The following TTC6 variants were observed in gnomAD, a reference collection of about 807,000 sequenced individuals.
The protein encoded by TTC6 is tetratricopeptide repeat protein 6.
Under a neutral mutation model 210.4 loss-of-function variants are expected in TTC6, and 172 were observed. That is an observed-to-expected ratio of 0.82 (90% CI 0.72 to 0.93). The LOEUF (loss-of-function observed/expected upper bound fraction) is 0.93, where lower values mean the gene tolerates loss of function less well. Ranked by LOEUF, TTC6 falls within the 40% of genes least tolerant of loss-of-function variation. TTC6 has a pLI of 0.00. For synonymous variants in TTC6, 804 were observed against 819.6 expected (o/e 0.98, Z 0.32); for missense variants, 2,414 against 2,318.1 (o/e 1.04, Z -0.85).
intron 10 of TTC6, among the ~76,000 whole-genome samples, chr14:37,744,114 T>C (rs1352005118): frequency 6.6e-6 from 1 of 152,226 alleles, no homozygotes; most frequent in African/African-American, 2.4e-5. Context: ...AAATGTGATT[T>C]CTCTTATTAA....
rs1365711659 is a variant in TTC6 at position 37,741,721 on chromosome 14, T to TC, written c.2363+2567dup. Among the ~76,000 whole-genome samples the TC allele has an allele frequency of 5.3e-5, 8 of 152,306 alleles. No homozygotes were observed. In the South Asian group the frequency reaches 8.3e-4, roughly 16 times the overall value. Reference sequence around the variant, plus strand: ...ATGGTGGGAAGCAGACTGCGTATGTTCTTATACATCAAGTTGAATTATGGC... The same window carrying TC: ...ATGGTGGGAAGCAGACTGCGTATGTTCCTTATACATCAAGTTGAATTATGGC... On this transcript the variant is annotated intron_variant, in intron 10 of 30. Coordinates refer to ENST00000553443, the Ensembl canonical transcript of TTC6.
chr14:37,709,656 T>C (rs1312689356), intron 5 of TTC6, among the ~76,000 whole-genome samples: 1 of 146,800 alleles, frequency 6.8e-6, no homozygotes, highest in Non-Finnish European at 1.5e-5. Flanking sequence ...TTACGATGAT[T>C]ACAAATACAA....
intron 14 of TTC6, among the ~76,000 whole-genome samples, chr14:37,774,849 T>C (rs2096032184): frequency 6.6e-6 from 1 of 152,206 alleles, no homozygotes. Flanking sequence ...AGAATTTGGC[T>C]CTGAATCTCT....
chr14:37,607,362 T>A (rs2095626975), intron 2 of TTC6, among the ~76,000 whole-genome samples: 1 of 152,192 alleles, frequency 6.6e-6, no homozygotes, highest in Admixed American at 6.5e-5. Context: ...TCAGTCCTTT[T>A]CAGGTCTGTG....
chr14:37,791,952 A>C (rs1330731581), intron 16 of TTC6, among the ~76,000 whole-genome samples: 1 of 152,164 alleles, frequency 6.6e-6, no homozygotes, highest in Non-Finnish European at 1.5e-5. Flanking sequence ...GTTGAGAAAA[A>C]CTAAGCTTGT....
At chr14:37,629,450 T>A (rs749783026) in intron 1 of TTC6, among the ~76,000 whole-genome samples, 1 of 152,236 alleles carries the variant, frequency 6.6e-6, no homozygotes, top group African/African-American at 2.4e-5. Flanking sequence ...TTTTGCATAT[T>A]GATTTTGTAT....
intron 5 of TTC6, among the ~76,000 whole-genome samples, chr14:37,711,913 GTGA>G (rs890002524): frequency 6.6e-6 from 1 of 152,128 alleles, no homozygotes; most frequent in African/African-American, 2.4e-5. Context: ...GAAGAGATTG[GTGA>G]TGAAGAGATT....
chr14:37,685,868 G>T (rs944479071), intron 3 of TTC6, among the ~76,000 whole-genome samples: 2 of 152,030 alleles, frequency 1.3e-5, no homozygotes, highest in East Asian at 1.9e-4. Flanking sequence ...TAAGTGTAAG[G>T]GTTGAGATTT....
chr14:37,826,232 C>A, exon 28 of TTC6: 1 of 1,608,420 alleles, frequency 6.2e-7, no homozygotes. Context: ...AACCACTTTA[C>A]CATTGCCATA....
intron 8 of TTC6, among the ~76,000 whole-genome samples, chr14:37,736,689 T>G (rs1044233489): frequency 1.3e-5 from 2 of 152,138 alleles, no homozygotes; most frequent in Non-Finnish European, 2.9e-5. Context: ...CTACAGTGTA[T>G]CCAATGACCT....
intron 1 of TTC6, among the ~76,000 whole-genome samples, chr14:37,600,024 A>G (rs547381506): frequency 9.2e-5 from 14 of 152,144 alleles, no homozygotes; most frequent in Non-Finnish European, 1.9e-4. Flanking sequence ...GTGCTGCTGA[A>G]AGGATCCTCG....
Position 37,776,176 on chromosome 14 carries a change from G to A in TTC6, c.3267-11292G>A, listed in dbSNP as rs1345323571. Reference sequence around the variant, plus strand: ...CGCCATTCTCCTGCCTCAGCCTCCCGAGTAGCTGGGACTACAGGCGCCCGC... The same window carrying A: ...CGCCATTCTCCTGCCTCAGCCTCCCAAGTAGCTGGGACTACAGGCGCCCGC... On this transcript the variant is annotated intron_variant, in intron 14 of 30. Coordinates refer to ENST00000553443, the Ensembl canonical transcript of TTC6. Among the ~76,000 whole-genome samples the A allele has an allele frequency of 3.2e-5, 4 of 123,160 alleles. 2 individuals carry two copies. The highest frequency in any genetic ancestry group is 6.0e-5 in the African/African-American group (2 of 33,516). The allele number at this position is 123,160 out of a possible 152,430, so 80.8% of individuals were successfully genotyped here.
intron 15 of TTC6, 68 bp downstream of exon 17, chr14:37,787,705 G>A: frequency 1.6e-6 from 2 of 1,283,376 alleles, no homozygotes. Flanking sequence ...TTTCATAGTG[G>A]TGAATGGTAA....
intron 22 of TTC6, 61 bp from the exon 25 acceptor site, chr14:37,807,259 G>T: frequency 7.3e-7 from 1 of 1,368,136 alleles, no homozygotes; most frequent in East Asian, 2.6e-5. Flanking sequence ...CATATATTTT[G>T]GTAGAATTGG....
intron 14 of TTC6, among the ~76,000 whole-genome samples, 163 bp downstream of exon 16, chr14:37,753,398 G>A (rs2095958260): frequency 6.6e-6 from 1 of 152,154 alleles, no homozygotes; most frequent in African/African-American, 2.4e-5. Flanking sequence ...CCCTAATGGT[G>A]TCGGTAATTT....
At position 37,796,959 on chromosome 14, in the gene TTC6, T is replaced by C. The variant is rs1385763564; in HGVS notation, c.4029+12T>C. ...CCAAGAGAACCAAGGTGAAAAGTCC[T>C]CTGAGTAATGTTTACTAAACCTATT... On this transcript the variant is annotated intron_variant, in intron 20 of 30. Coordinates refer to ENST00000553443, the Ensembl canonical transcript of TTC6. The C allele has an allele frequency of 3.2e-6, 5 of 1,582,880 alleles. No individual in the cohort carries two copies. The Admixed American group carries it at 9.1e-5, about 29-fold the overall frequency.
chr14:37,751,132 T>C (rs1200865996), exon 13 of TTC6: 1 of 1,533,260 alleles, frequency 6.5e-7, no homozygotes, highest in Non-Finnish European at 8.7e-7. Flanking sequence ...CCCAGGCAAT[T>C]AAATCCACGC....
At chr14:37,735,861 T>C (rs2095900214) in intron 7 of TTC6, 60 bp from the exon 10 acceptor site, 4 of 1,029,472 alleles carry the variant, frequency 3.9e-6, no homozygotes, top group Non-Finnish European at 1.4e-6. Context: ...GTAACAGTCA[T>C]CATAGGCTTT....
chr14:37,733,133 A>T (rs2095892329), intron 7 of TTC6, among the ~76,000 whole-genome samples: 1 of 152,174 alleles, frequency 6.6e-6, no homozygotes, highest in Non-Finnish European at 1.5e-5. Flanking sequence ...AATATACATT[A>T]ATACCTTTAT....
Sources: allele counts gnomAD v4.1 joint callset (sites outside exome capture counted in the v4.1 genomes callset), GRCh38; gene constraint gnomAD v4.1.1; transcripts MANE v1.5; gene names NCBI Gene and HGNC (gene_info 2026-07-23, HGNC 2026-07-21).